PDGFRL: variants seen among roughly 807,000 people sequenced by gnomAD.
PDGFRL encodes platelet derived growth factor receptor like.
PDGFRL carries 46 observed loss-of-function variants against 37.2 expected under a neutral mutation model. The ratio of observed to expected loss-of-function variants is 1.24; its 90% CI spans 0.98 to 1.58. The LOEUF is 1.58. Ranked by LOEUF, PDGFRL falls within the 40% of genes most tolerant of loss-of-function variation. PDGFRL has a pLI of 0.00. For synonymous variants in PDGFRL, 251 were observed against 184.3 expected (o/e 1.36, Z -2.93); for missense variants, 692 against 467.6 (o/e 1.48, Z -4.43).
At chr8:17,578,433 G>T (rs1307644048) in intron 1 of PDGFRL, among the ~76,000 whole-genome samples, 1 of 152,168 alleles carries the variant, frequency 6.6e-6, no homozygotes, top group South Asian at 2.1e-4. Flanking sequence ...GGGTCCTTCA[G>T]CCTAGAGCTT....
At chr8:17,640,546 C>T (rs1805069811) in intron 5 of PDGFRL, among the ~76,000 whole-genome samples, 1 of 152,082 alleles carries the variant, frequency 6.6e-6, no homozygotes, top group Non-Finnish European at 1.5e-5. Flanking sequence ...ATTGTTATTT[C>T]TCTTCTGTAT....
chr8:17,588,787 C>T (rs996887589), intron 1 of PDGFRL, among the ~76,000 whole-genome samples: 1 of 152,154 alleles, frequency 6.6e-6, no homozygotes. Flanking sequence ...ATGGTGACAA[C>T]ATATAGACTG....
chr8:17,579,560 T>A (rs1016411469), intron 1 of PDGFRL, among the ~76,000 whole-genome samples: 175 of 108,688 alleles, frequency 1.6e-3, no homozygotes, highest in African/African-American at 5.5e-3. Context: ...ATTATTGTTA[T>A]TATTATTATT....
chr8:17,636,958 T>G (rs13282332), intron 5 of PDGFRL, among the ~76,000 whole-genome samples: 122,805 of 152,158 alleles, frequency 0.81, 50,788 homozygotes, highest in Non-Finnish European at 0.91. Context: ...TTGTTTACAT[T>G]AATTTTGTAT....
At chr8:17,605,928 G>A (rs543410717) in intron 2 of PDGFRL, among the ~76,000 whole-genome samples, 1 of 152,158 alleles carries the variant, frequency 6.6e-6, no homozygotes, top group Admixed American at 6.6e-5. Flanking sequence ...TTTTCATTTG[G>A]CCACGGTTGG....
At chr8:17,640,742 G>T (rs1176296424) in intron 5 of PDGFRL, among the ~76,000 whole-genome samples, 1 of 152,116 alleles carries the variant, frequency 6.6e-6, no homozygotes, top group East Asian at 1.9e-4. Flanking sequence ...CACTAGTTTT[G>T]TGTTGGTCTT....
At chr8:17,617,493 C>T (rs1020180621) in intron 2 of PDGFRL, among the ~76,000 whole-genome samples, 7 of 152,110 alleles carry the variant, frequency 4.6e-5, no homozygotes, top group East Asian at 1.9e-4. Flanking sequence ...GTCTCCCTTG[C>T]GTGACACGGA....
At chr8:17,632,469 C>G (rs767390450) in intron 4 of PDGFRL, among the ~76,000 whole-genome samples, 11 of 151,964 alleles carry the variant, frequency 7.2e-5, no homozygotes, top group Non-Finnish European at 1.3e-4. Flanking sequence ...GGCTCAGTAT[C>G]TGGGATTACA....
intron 3 of PDGFRL, among the ~76,000 whole-genome samples, chr8:17,626,320 G>A (rs1804733287): frequency 6.6e-6 from 1 of 152,164 alleles, no homozygotes; most frequent in African/African-American, 2.4e-5. Flanking sequence ...ACCTAAGCCT[G>A]AAAGCCAATT....
chr8:17,603,128 G>A (rs144578370), intron 2 of PDGFRL, among the ~76,000 whole-genome samples: 52 of 152,194 alleles, frequency 3.4e-4, no homozygotes, highest in African/African-American at 1.2e-3. Flanking sequence ...GGTTACAGGC[G>A]TGCGCCACCA....
intron 5 of PDGFRL, among the ~76,000 whole-genome samples, chr8:17,642,133 A>G (rs945611544): frequency 6.6e-6 from 1 of 152,192 alleles, no homozygotes; most frequent in Non-Finnish European, 1.5e-5. Flanking sequence ...GCCTAATCAT[A>G]CTTCTCCCTC....
At position 17,613,604 on chromosome 8, in the gene PDGFRL, G is replaced by A. The variant is rs193200558; in HGVS notation, c.354-7447G>A. 3.3e-3 allele frequency among the ~76,000 whole-genome samples: 502 copies of A among 152,282 alleles called. 1 individual carries two copies. Among genetic ancestry groups the A allele is most frequent in the African/African-American group, 6.1e-3 (253 of 41,552 alleles). ...TTCAATAATCCAGAGAAGCCCAGGC[G>A]CAGTGGCTCATGCCTGTAATCCCAG... On this transcript the variant is annotated intron_variant, in intron 2 of 5. Transcript: ENST00000251630.
chr8:17,597,303 G>T (rs1257736971), intron 2 of PDGFRL, among the ~76,000 whole-genome samples: 2 of 152,214 alleles, frequency 1.3e-5, no homozygotes, highest in African/African-American at 4.8e-5. Flanking sequence ...TTTCAGGCAT[G>T]AGCCTCCTCG....
chr8:17,627,985 CTTTCTTTTTTT>C (rs1162474911), intron 3 of PDGFRL, among the ~76,000 whole-genome samples: 41 of 124,050 alleles, frequency 3.3e-4, no homozygotes, highest in African/African-American at 1.4e-3. Flanking sequence ...TGTTTTCTTT[CTTTCTTTTTTT>C]TTTTTTTTTT....
In PDGFRL at chr8:17,621,188, A is replaced by C; in HGVS notation, c.491A>C (p.Tyr164Ser). The change falls in exon 3 of 6, where the codon TAC becomes TCC. Residue 164 changes from tyrosine (Y) to serine (S), a missense_variant. Physicochemically the swap from Tyr to Ser is moderately radical, Grantham distance 144 (BLOSUM62 -2). Transcript: ENST00000251630. ...GACGAGGCCAAAACGGGCTCCACCT[A>C]CATCTTTTTTACAGGTAAAATACTT... ...RKDEAKTGST[Y>S]IFFTEKGELF... The C allele has an allele frequency of 6.2e-7, 1 of 1,608,112 alleles. No homozygotes were observed. Among genetic ancestry groups the C allele is most frequent in the South Asian group, 1.1e-5 (1 of 90,402 alleles).
At chr8:17,639,611 T>G (rs1459165984) in intron 5 of PDGFRL, among the ~76,000 whole-genome samples, 1 of 152,194 alleles carries the variant, frequency 6.6e-6, no homozygotes, top group Non-Finnish European at 1.5e-5. Flanking sequence ...GGCCTCAATT[T>G]CTTCTAGCTT....
chr8:17,636,888 G>A (rs1316972150), intron 5 of PDGFRL, among the ~76,000 whole-genome samples: 1 of 152,086 alleles, frequency 6.6e-6, no homozygotes, highest in Non-Finnish European at 1.5e-5. Context: ...TATAAAAGGG[G>A]TTGAGTTATT....
At chr8:17,592,627 G>A (rs993144362) in intron 2 of PDGFRL, among the ~76,000 whole-genome samples, 4 of 152,116 alleles carry the variant, frequency 2.6e-5, no homozygotes, top group African/African-American at 7.2e-5. Flanking sequence ...TGGGGACTTC[G>A]AGTTTGCTCT....
chr8:17,597,174 C>T (rs1364905125), intron 2 of PDGFRL, among the ~76,000 whole-genome samples: 1 of 152,170 alleles, frequency 6.6e-6, no homozygotes, highest in Non-Finnish European at 1.5e-5. Flanking sequence ...GTATCTGCCG[C>T]CACACCTGGC....
Sources: gnomAD v4.1 joint callset for allele counts (sites outside exome capture counted in the v4.1 genomes callset) on GRCh38, gnomAD v4.1.1 for gene constraint, MANE v1.5 for transcripts, NCBI Gene and HGNC (gene_info 2026-07-23, HGNC 2026-07-21) for gene names.